DENND1A: variants seen among roughly 807,000 people sequenced by gnomAD.
The protein encoded by DENND1A is DENN domain-containing protein 1A.
DENND1A carries 51 observed loss-of-function variants against 113.7 expected under a neutral mutation model. That is an observed-to-expected ratio of 0.45 (90% CI 0.36 to 0.57). The LOEUF is 0.57. Among genes scored for constraint, DENND1A ranks in the 20% least tolerant of loss-of-function variants. The probability of loss-of-function intolerance (pLI) is 0.00; values close to 1 mark genes in which losing one functional copy is unlikely to be tolerated. For synonymous variants in DENND1A, 565 were observed against 570.8 expected (o/e 0.99, Z 0.14); for missense variants, 1,258 against 1,395.9 (o/e 0.90, Z 1.57).
At chr9:123,892,842 T>G (rs971974456) in intron 1 of DENND1A, among the ~76,000 whole-genome samples, 12 of 151,924 alleles carry the variant, frequency 7.9e-5, no homozygotes, top group Middle Eastern at 3.2e-3. Flanking sequence ...ATTAGCCGGG[T>G]GTGGTCGTGG....
intron 8 of DENND1A, among the ~76,000 whole-genome samples, chr9:123,655,492 C>T (rs149564857): frequency 1.3e-5 from 2 of 152,140 alleles, no homozygotes; most frequent in African/African-American, 2.4e-5. Flanking sequence ...GTGAAGAACC[C>T]GCAGAAAAAG....
At chr9:123,859,656 T>C (rs962815202) in intron 2 of DENND1A, among the ~76,000 whole-genome samples, 1 of 152,098 alleles carries the variant, frequency 6.6e-6, no homozygotes, top group African/African-American at 2.4e-5. Flanking sequence ...TAAAAGAACA[T>C]GGGAATGCTT....
intron 20 of DENND1A, among the ~76,000 whole-genome samples, chr9:123,404,418 C>T (rs1024067085): frequency 5.9e-5 from 9 of 152,264 alleles, no homozygotes; most frequent in African/African-American, 1.9e-4. Context: ...CTGAGAAAGT[C>T]TATCTCTGAA....
In DENND1A at chr9:123,467,473, G is replaced by A. The variant is rs539062662; in HGVS notation, c.994-9576C>T. Among the ~76,000 whole-genome samples, 520 of 152,256 alleles carry A rather than the reference G, an allele frequency of 3.4e-3. 1 individual carries two copies. The highest frequency in any genetic ancestry group is 5.8e-3 in the Non-Finnish European group (396 of 68,014). ...GATGGAGACCATCCTGGCCAACATG[G>A]TGAAGCCCCATCTCTACTAAAAATA... On this transcript the variant is annotated intron_variant, in intron 13 of 23. Coordinates refer to ENST00000394215, the MANE Select transcript of DENND1A (RefSeq NM_001352964.2).
At chr9:123,469,629 T>G (rs1228833591) in intron 13 of DENND1A, among the ~76,000 whole-genome samples, 1 of 152,216 alleles carries the variant, frequency 6.6e-6, no homozygotes, top group Non-Finnish European at 1.5e-5. Context: ...TATTCATGCA[T>G]ACTAGCGTAA....
At chr9:123,701,817 C>A (rs1176894611) in intron 5 of DENND1A, among the ~76,000 whole-genome samples, 1 of 152,210 alleles carries the variant, frequency 6.6e-6, no homozygotes, top group African/African-American at 2.4e-5. Context: ...TCTGAACAGG[C>A]TTACTTTTGA....
chr9:123,513,218 C>T (rs7021348), intron 13 of DENND1A, among the ~76,000 whole-genome samples: 29,844 of 152,136 alleles, frequency 0.2, 3,066 homozygotes, highest in South Asian at 0.24. Context: ...TCCTTGTTCA[C>T]CCCACACCCA....
chr9:123,608,846 A>G lies in DENND1A; in HGVS notation c.765+590T>C, dbSNP rs539529975. On this transcript the variant is annotated intron_variant, in intron 11 of 23. Coordinates refer to ENST00000394215, the MANE Select transcript of DENND1A (RefSeq NM_001352964.2). ...GTGGGAATGATAGGTGGCAAATTAA[A>G]AATTATTACTGAGAGTAGATAAAAA... Among the ~76,000 whole-genome samples, 68 of 152,370 alleles carry G rather than the reference A, an allele frequency of 4.5e-4. 1 individual carries two copies. Among genetic ancestry groups the G allele is most frequent in the Admixed American group, 2.4e-3 (37 of 15,304 alleles).
chr9:123,485,575 G>C (rs916833972), intron 13 of DENND1A: 2 of 151,590 alleles, frequency 1.3e-5, no homozygotes, highest in Admixed American at 6.6e-5. Flanking sequence ...TGGAGAGGCT[G>C]AAAGACCTTA....
chr9:123,401,989 T>G lies in DENND1A; in HGVS notation c.1631+1413A>C. 1.9e-6 allele frequency: 3 copies of G among 1,585,220 alleles called. 1 individual carries two copies. The highest frequency in any genetic ancestry group is 2.2e-5 in the South Asian group (2 of 90,078). On this transcript the variant is annotated intron_variant, in intron 21 of 23. Coordinates refer to ENST00000394215, the MANE Select transcript of DENND1A (RefSeq NM_001352964.2). ...TGACCCTGTATCCTGGTACAGTGTC[T>G]AAAAGGTTTAGTCCAGTTTTAAAGA... is the stretch of plus-strand genomic sequence containing the variant.
chr9:123,775,529 G>GA (rs368306823), intron 3 of DENND1A, among the ~76,000 whole-genome samples: 45 of 145,742 alleles, frequency 3.1e-4, no homozygotes, highest in East Asian at 9.9e-4. Context: ...AAGAAAAGGG[G>GA]AAAAAAAAAA....
At chr9:123,459,456 C>T (rs951924532) in intron 13 of DENND1A, among the ~76,000 whole-genome samples, 1 of 151,934 alleles carries the variant, frequency 6.6e-6, no homozygotes, top group African/African-American at 2.4e-5. Flanking sequence ...ACTATCCAAT[C>T]GATTTTATGC....
At chr9:123,444,224 T>A (rs2047139212) in intron 18 of DENND1A, among the ~76,000 whole-genome samples, 1 of 152,230 alleles carries the variant, frequency 6.6e-6, no homozygotes, top group Non-Finnish European at 1.5e-5. Flanking sequence ...TAGAAATTTA[T>A]CCTAATGAAA....
intron 5 of DENND1A, among the ~76,000 whole-genome samples, chr9:123,711,505 G>GTATATATATATATATA (rs1168546766): frequency 2.6e-4 from 16 of 62,538 alleles, no homozygotes; most frequent in African/African-American, 1.4e-3. Flanking sequence ...ATATATATAT[G>GTATATATATATATATA]TATATATGTA....
intron 18 of DENND1A, among the ~76,000 whole-genome samples, chr9:123,441,869 A>G (rs533664288): frequency 6.6e-6 from 1 of 152,262 alleles, no homozygotes; most frequent in Non-Finnish European, 1.5e-5. Flanking sequence ...TCTGCACATG[A>G]GAAACTTGAT....
intron 5 of DENND1A, among the ~76,000 whole-genome samples, chr9:123,697,073 A>G (rs1391597623): frequency 6.6e-6 from 1 of 152,180 alleles, no homozygotes; most frequent in Non-Finnish European, 1.5e-5. Flanking sequence ...ATTAAGAGTA[A>G]TCCCCAAATT....
At chr9:123,919,883 GAAAAAA>G (rs56784407) in intron 1 of DENND1A, among the ~76,000 whole-genome samples, 1 of 55,394 alleles carries the variant, frequency 1.8e-5, no homozygotes. Context: ...CTCTGTCTCA[GAAAAAA>G]AAAAAAAAAA....
At chr9:123,794,397 CATAATAAAACA>C (rs1833470064) in intron 2 of DENND1A, among the ~76,000 whole-genome samples, 1 of 152,182 alleles carries the variant, frequency 6.6e-6, no homozygotes, top group African/African-American at 2.4e-5. Context: ...CACTGAGGGA[CATAATAAAACA>C]GAGGCTGGGA....
chr9:123,825,997 T>C (rs1244712422), intron 2 of DENND1A, among the ~76,000 whole-genome samples: 1 of 151,688 alleles, frequency 6.6e-6, no homozygotes, highest in Non-Finnish European at 1.5e-5. Flanking sequence ...CTCTTTCAGC[T>C]TGGATACCTG....
Sources: gnomAD v4.1 joint callset for allele counts (sites outside exome capture counted in the v4.1 genomes callset) on GRCh38, gnomAD v4.1.1 for gene constraint, MANE v1.5 for transcripts, NCBI Gene and HGNC (gene_info 2026-07-23, HGNC 2026-07-21) for gene names.